The following PCDHGA3 variants were observed in gnomAD, a reference collection of about 807,000 sequenced individuals.
PCDHGA3 encodes the protein protocadherin gamma-A3.
Under a neutral mutation model 58.5 loss-of-function variants are expected in PCDHGA3, and 40 were observed. The ratio of observed to expected loss-of-function variants is 0.68; its 90% CI spans 0.53 to 0.89. The LOEUF (loss-of-function observed/expected upper bound fraction) is 0.89, where lower values mean the gene tolerates loss of function less well. Ranked by LOEUF, PCDHGA3 falls within the 40% of genes least tolerant of loss-of-function variation. The pLI, the probability that PCDHGA3 is intolerant of heterozygous loss-of-function variation, is 0.00. For missense variants in PCDHGA3, 1,223 were observed against 1,195.9 expected, an observed-to-expected ratio of 1.02 and a Z score of -0.33; for synonymous variants, 530 against 525.7, an observed-to-expected ratio of 1.01 and a Z score of -0.11.
In PCDHGA3 at chr5:141,431,940, T is replaced by G; in HGVS notation, c.2425-62867T>G. ...ATCCAAGGAAATCTGCCCTTTAAAT[T>G]AGAAAAATCTTACGGAAATTACTAT... On this transcript the variant is annotated intron_variant, in intron 1 of 3. Coordinates refer to ENST00000253812, the MANE Select transcript of PCDHGA3 (RefSeq NM_018916.4). The surrounding 1 kb of genome is among the most constrained non-coding windows in gnomAD (Gnocchi z 4.8). 2 of 1,614,132 alleles carry G rather than the reference T, an allele frequency of 1.2e-6. No homozygotes were observed. Among genetic ancestry groups the G allele is most frequent in the Non-Finnish European group, 1.7e-6 (2 of 1,179,998 alleles).
At chr5:141,382,161 G>A (rs539029748) in intron 1 of PCDHGA3, among the ~76,000 whole-genome samples, 2 of 151,904 alleles carry the variant, frequency 1.3e-5, no homozygotes, top group Admixed American at 6.6e-5. Flanking sequence ...TAAAATGAAG[G>A]TGTTAGACCG....
intron 1 of PCDHGA3, among the ~76,000 whole-genome samples, chr5:141,364,014 A>G (rs145320199): frequency 4.6e-5 from 7 of 152,362 alleles, no homozygotes; most frequent in Non-Finnish European, 7.3e-5. Context: ...ACAACGCTAC[A>G]CAGTTAAACA....
intron 1 of PCDHGA3, among the ~76,000 whole-genome samples, chr5:141,437,036 G>A (rs916860661): frequency 6.6e-6 from 1 of 152,294 alleles, no homozygotes; most frequent in Middle Eastern, 3.4e-3. Flanking sequence ...ATGGATCACC[G>A]AAACCAGAAG....
intron 1 of PCDHGA3, chr5:141,362,513 A>G: frequency 6.2e-7 from 1 of 1,613,982 alleles, no homozygotes; most frequent in South Asian, 1.1e-5. Context: ...AATACAAATC[A>G]TGGAGCCGCT....
chr5:141,411,515 T>A (rs1381474249), intron 1 of PCDHGA3: 1 of 151,910 alleles, frequency 6.6e-6, no homozygotes, highest in East Asian at 1.9e-4. Flanking sequence ...TCCTGGGAGG[T>A]CAAGGTTGCA....
At chr5:141,474,159 G>A (rs2154571930) in intron 1 of PCDHGA3, among the ~76,000 whole-genome samples, 1 of 152,226 alleles carries the variant, frequency 6.6e-6, no homozygotes, top group South Asian at 2.1e-4. Context: ...GAAAATGACA[G>A]GCCTTATTAT....
intron 2 of PCDHGA3, among the ~76,000 whole-genome samples, chr5:141,502,866 C>CTCTTTTTT (rs1554188502): frequency 2.3e-5 from 3 of 128,046 alleles, no homozygotes; most frequent in Non-Finnish European, 3.2e-5. Flanking sequence ...GACTCTCTGT[C>CTCTTTTTT]TTTTTTTTTT....
intron 1 of PCDHGA3, chr5:141,398,772 G>T: frequency 6.2e-7 from 1 of 1,613,910 alleles, no homozygotes; most frequent in Non-Finnish European, 8.5e-7. Flanking sequence ...TGACTGCCTT[G>T]GACGGTGGAC....
chr5:141,424,538 A>G (rs547426760), intron 1 of PCDHGA3: 37 of 152,340 alleles, frequency 2.4e-4, no homozygotes, highest in African/African-American at 8.9e-4. Context: ...TATAGAAATA[A>G]CTTGATTTTG....
chr5:141,487,824 C>A lies in PCDHGA3; in HGVS notation c.2425-6983C>A. The stretch of plus-strand genomic sequence containing the variant: ...TCACAGTTTAGCATTGGGGGCGGGT[C>A]ATGCCTATATCTGAGTAAGAAATGA... On this transcript the variant is annotated intron_variant, in intron 1 of 3. Coordinates refer to ENST00000253812, the MANE Select transcript of PCDHGA3 (RefSeq NM_018916.4). This position sits in a 1 kb window ranked among gnomAD's most constrained non-coding sequence, Gnocchi z 5.0. 2 of 1,247,252 alleles carry A rather than the reference C, an allele frequency of 1.6e-6. No individual in the cohort carries two copies. The highest frequency in any genetic ancestry group is 2.9e-5 in the South Asian group (2 of 68,154). The allele number at this position is 1,247,252 out of a possible 1,614,324, so 77.3% of individuals were successfully genotyped here. A position where few individuals can be genotyped will look rare whatever the true frequency, so the allele number is the denominator to read the frequency against.
chr5:141,371,434 T>C, intron 1 of PCDHGA3: 1 of 1,614,004 alleles, frequency 6.2e-7, no homozygotes, highest in Non-Finnish European at 8.5e-7. Flanking sequence ...GCCCCGGAGA[T>C]AACCCTGGCT....
At chr5:141,355,701 G>A (rs1224015926) in intron 1 of PCDHGA3, 1 of 1,613,860 alleles carries the variant, frequency 6.2e-7, no homozygotes, top group African/African-American at 1.3e-5. Flanking sequence ...TAAACTCCCT[G>A]CAGGGTTACC....
intron 1 of PCDHGA3, chr5:141,391,260 A>G (rs2092328802): frequency 1.3e-5 from 2 of 152,128 alleles, no homozygotes; most frequent in African/African-American, 4.8e-5. Flanking sequence ...TGCTTCAGTT[A>G]ATGGCCACTT....
At chr5:141,462,335 A>G in intron 1 of PCDHGA3, among the ~76,000 whole-genome samples, 1 of 152,220 alleles carries the variant, frequency 6.6e-6, no homozygotes, top group East Asian at 1.9e-4. Context: ...ATTTAATTGT[A>G]TTGTGATCCA....
chr5:141,356,235 A>G (rs1479657610), intron 1 of PCDHGA3: 3 of 1,587,502 alleles, frequency 1.9e-6, no homozygotes, highest in African/African-American at 1.3e-5. Flanking sequence ...ACAACGCACC[A>G]GAAGTCACAG....
intron 1 of PCDHGA3, among the ~76,000 whole-genome samples, chr5:141,386,991 A>G (rs1218503150): frequency 6.6e-6 from 1 of 152,212 alleles, no homozygotes; most frequent in Non-Finnish European, 1.5e-5. Context: ...GAGGCTATGT[A>G]TTATCCCCCT....
intron 1 of PCDHGA3, chr5:141,422,738 C>G: frequency 6.2e-7 from 1 of 1,609,538 alleles, no homozygotes; most frequent in Non-Finnish European, 8.5e-7. Flanking sequence ...CCTCTGTCCT[C>G]CTATGTCTCT....
chr5:141,393,382 T>C (rs778957877), intron 1 of PCDHGA3: 7 of 1,613,948 alleles, frequency 4.3e-6, no homozygotes, highest in Non-Finnish European at 5.9e-6. Flanking sequence ...AATGGAGCCA[T>C]AAACCCAGAG....
chr5:141,383,734 T>C (rs1249029357), intron 1 of PCDHGA3: 2 of 1,613,994 alleles, frequency 1.2e-6, no homozygotes, highest in East Asian at 4.5e-5. Context: ...GGAAGTGACA[T>C]ATTCTTTTCG....
Sources: gnomAD v4.1 joint callset for allele counts (sites outside exome capture counted in the v4.1 genomes callset) on GRCh38, gnomAD v4.1.1 for gene constraint, Gnocchi (gnomAD v3.1) non-coding constraint, MANE v1.5 for transcripts, NCBI Gene and HGNC (gene_info 2026-07-23, HGNC 2026-07-21) for gene names.